Variants in EIF3A observed in about 807,000 individuals in gnomAD.
EIF3A encodes the protein EIF3, p180 subunit.
In EIF3A, 21 loss-of-function variants were observed where a neutral mutation model predicts 186.6. The ratio of observed to expected loss-of-function variants is 0.11; its 90% CI spans 0.08 to 0.16. The LOEUF (loss-of-function observed/expected upper bound fraction) is 0.16, where lower values mean the gene tolerates loss of function less well. Among genes scored for constraint, EIF3A ranks in the 10% least tolerant of loss-of-function variants. The pLI is 1.00. For missense variants in EIF3A, 1,306 were observed against 1,796.3 expected (o/e 0.73, Z 4.93); for synonymous variants, 563 against 584.3 (o/e 0.96, Z 0.52).
chr10:119,033,912 C>T lies in EIF3A; in HGVS notation c.*2127G>A, dbSNP rs1589681766. ...ACACAGGCAGTTCTTTACATAAAAACGTCCCACACGTTATAGATGCCAGCC... is the reference window on the plus strand; with the variant it reads ...ACACAGGCAGTTCTTTACATAAAAATGTCCCACACGTTATAGATGCCAGCC... On this transcript the variant is annotated 3_prime_UTR_variant, in exon 22 of 22. Transcript: ENST00000369144. 1 of 166,394 alleles carries T rather than the reference C, an allele frequency of 6.0e-6. No individual in the cohort carries two copies. Among genetic ancestry groups the T allele is most frequent in the Non-Finnish European group, 1.5e-5 (1 of 68,014 alleles). 10.3% of individuals were successfully genotyped at this position (166,394 alleles called of 1,614,324 possible).
chr10:119,042,899 TC>T lies in EIF3A; in HGVS notation c.2748-128del. 1.0e-6 allele frequency: 1 copy of T among 975,174 alleles called. No individual in the cohort carries two copies. Among genetic ancestry groups the T allele is most frequent in the Admixed American group, 2.9e-5 (1 of 34,402 alleles). 60.4% of individuals were successfully genotyped at this position (975,174 alleles called of 1,614,324 possible). On this transcript the variant is annotated intron_variant, in intron 18 of 21. Transcript: ENST00000369144. The surrounding 1 kb of genome is among the most constrained non-coding windows in gnomAD (Gnocchi z 7.8). ...CCGGAGCAGTGGCTCGCACCTTTAA[TC>T]CCAGCACTCTGGGAAGCAGAGGCAG...
At chr10:119,064,072 C>T (rs1843932000) in intron 7 of EIF3A, among the ~76,000 whole-genome samples, 2 of 152,140 alleles carry the variant, frequency 1.3e-5, no homozygotes, top group African/African-American at 4.8e-5. Flanking sequence ...GAGCTAGACC[C>T]TGTCTCAAAA....
chr10:119,042,564 G>C lies in EIF3A; in HGVS notation c.2956C>G (p.Arg986Gly), dbSNP rs141034070. The change falls in exon 19 of 22, where the codon CGG becomes GGG. Residue 986 changes from arginine (R) to glycine (G), a missense_variant. Coordinates refer to ENST00000369144, the MANE Select transcript of EIF3A (RefSeq NM_003750.4). This position sits in a 1 kb window ranked among gnomAD's most constrained non-coding sequence, Gnocchi z 7.8. The stretch of plus-strand genomic sequence containing the variant: ...TCATCTGTGTTACGCCAGGAAGGCC[G>C]GTCATCGTCTGCCCCACGACGAGAG... ...RFSRRGADDDRPSWRNTDDDR... is the reference protein window; with the variant it reads ...RFSRRGADDDGPSWRNTDDDR... The C allele has an allele frequency of 6.2e-7, 1 of 1,614,110 alleles. No individual in the cohort carries two copies. Among genetic ancestry groups the C allele is most frequent in the South Asian group, 1.1e-5 (1 of 91,086 alleles).
At chr10:119,076,174 T>C (rs1430113617) in intron 1 of EIF3A, among the ~76,000 whole-genome samples, 1 of 150,970 alleles carries the variant, frequency 6.6e-6, no homozygotes, top group East Asian at 2.0e-4. Context: ...CTACTAAAAA[T>C]ACAAAAAATT....
Position 119,080,684 on chromosome 10 carries a change from G to A in EIF3A, c.-8C>T, listed in dbSNP as rs1844251109. The A allele has an allele frequency of 1.9e-6, 3 of 1,592,072 alleles. No homozygotes were observed. Among genetic ancestry groups the A allele is most frequent in the Non-Finnish European group, 2.6e-6 (3 of 1,170,558 alleles). On this transcript the variant is annotated 5_prime_UTR_variant, in exon 1 of 22. Coordinates refer to ENST00000369144, the MANE Select transcript of EIF3A (RefSeq NM_003750.4). The stretch of plus-strand genomic sequence containing the variant: ...CTGAAAATAGGCCGGCATCTTGGCG[G>A]CAGGCTCAGCTCACCCGGCGTCAGC...
chr10:119,052,542 T>C (rs1848373670), intron 14 of EIF3A, among the ~76,000 whole-genome samples: 1 of 151,978 alleles, frequency 6.6e-6, no homozygotes, highest in Non-Finnish European at 1.5e-5. Flanking sequence ...GCCTGGCTAA[T>C]TTTCCTGTTT....
chr10:119,069,508 G>A lies in EIF3A; in HGVS notation c.888C>T (p.Leu296=), dbSNP rs772498682. Residue 296 remains leucine (L), a synonymous_variant, in exon 6 of 22, where the codon CTC becomes CTT. Transcript: ENST00000369144. ...CTCTAGAGAGATGGTAAAGACGATG[G>A]AGTGTAGATGCATGAAAAAGAGCAT... ...SGNALFHAST[L]HRLYHLSREM... The A allele has an allele frequency of 1.5e-5, 24 of 1,588,380 alleles. No individual in the cohort carries two copies. The highest frequency in any genetic ancestry group is 2.1e-5 in the Non-Finnish European group (24 of 1,156,626).
In EIF3A at chr10:119,065,501, T is replaced by C. The variant is rs1324524175; in HGVS notation, c.1020A>G (p.Arg340=). ...CTATAATGCCATCCATATCCAGAAGTCGAGCAATATCCGTACGCTCAGGAG... is the reference window on the plus strand; with the variant it reads ...CTATAATGCCATCCATATCCAGAAGCCGAGCAATATCCGTACGCTCAGGAG... ...PITPERTDIA[R]LLDMDGIIVE... is the part of the protein sequence containing the mutation. Residue 340 remains arginine (R), a synonymous_variant, in exon 7 of 22, where the codon CGA becomes CGG. Transcript: ENST00000369144. 1 of 1,613,182 alleles carries C rather than the reference T, an allele frequency of 6.2e-7. No homozygotes were observed. The highest frequency in any genetic ancestry group is 8.5e-7 in the Non-Finnish European group (1 of 1,179,188).
chr10:119,038,690 G>A (rs1848168779), intron 19 of EIF3A, among the ~76,000 whole-genome samples: 2 of 152,078 alleles, frequency 1.3e-5, no homozygotes, highest in South Asian at 2.1e-4. Context: ...TTTGGAGACC[G>A]AGCCAGGTGG....
rs60040030 is a variant in EIF3A, at chr10:119,037,068, C to G, written c.3919+51G>C. On this transcript the variant is annotated intron_variant, in intron 21 of 21. Transcript: ENST00000369144. ...TAATTAAATAACCCAAATCCCCCCC[C>G]CCCCAGAAACGACAGTTCTCCAATA... is the stretch of plus-strand genomic sequence containing the variant. 67 of 867,590 alleles carry G rather than the reference C, an allele frequency of 7.7e-5. 7 individuals are homozygous for G. Among genetic ancestry groups the G allele is most frequent in the East Asian group, 4.1e-4 (10 of 24,642 alleles). 53.7% of individuals were successfully genotyped at this position (867,590 alleles called of 1,614,324 possible). A position where few individuals can be genotyped will look rare whatever the true frequency, so the allele number is the denominator to read the frequency against.
chr10:119,049,791 C>T lies in EIF3A; in HGVS notation c.2658+10G>A. The T allele has an allele frequency of 6.2e-7, 1 of 1,610,778 alleles. No homozygotes were observed. ...TAAAACAAAATAAAATCAATAAACC[C>T]TATACTCACCTTTCTAGAAAGGGAA... On this transcript the variant is annotated intron_variant, in intron 17 of 21. Coordinates refer to ENST00000369144, the MANE Select transcript of EIF3A (RefSeq NM_003750.4).
At chr10:119,069,068 T>TC (rs1419830358) in intron 6 of EIF3A, among the ~76,000 whole-genome samples, 1 of 152,144 alleles carries the variant, frequency 6.6e-6, no homozygotes, top group Non-Finnish European at 1.5e-5. Flanking sequence ...GATAGAAAGC[T>TC]CATCCGTTAA....
intron 20 of EIF3A, 131 bp downstream of exon 20, chr10:119,038,107 G>T: frequency 1.3e-6 from 1 of 757,092 alleles, no homozygotes; most frequent in East Asian, 2.7e-5. Context: ...AGTAGAGATG[G>T]GGTTTCACTA....
At chr10:119,037,060 T>TA in intron 21 of EIF3A, 59 bp downstream of exon 21, 3 of 391,260 alleles carry the variant, frequency 7.7e-6, no homozygotes, top group Middle Eastern at 6.3e-4. Context: ...ATAACCCAAA[T>TA]CCCCCCCCCC....
intron 4 of EIF3A, among the ~76,000 whole-genome samples, chr10:119,072,432 G>A (rs994649628): frequency 6.7e-6 from 1 of 149,994 alleles, no homozygotes; most frequent in African/African-American, 2.5e-5. Context: ...CAGTCATTTT[G>A]GTTTTGTTTT....
At chr10:119,045,496 C>A (rs1013688297) in intron 17 of EIF3A, among the ~76,000 whole-genome samples, 1 of 152,124 alleles carries the variant, frequency 6.6e-6, no homozygotes, top group Non-Finnish European at 1.5e-5. Context: ...ACAAATACAG[C>A]CAGAAGGCCA....
At chr10:119,074,524 T>TA (rs1844127114) in intron 1 of EIF3A, among the ~76,000 whole-genome samples, 1 of 151,686 alleles carries the variant, frequency 6.6e-6, no homozygotes, top group African/African-American at 2.4e-5. Context: ...TTGTTACCAA[T>TA]AAAAATCAAC....
At chr10:119,044,921 C>A (rs1204300075) in intron 17 of EIF3A, among the ~76,000 whole-genome samples, 1 of 137,502 alleles carries the variant, frequency 7.3e-6, no homozygotes, top group Non-Finnish European at 1.5e-5. Context: ...AATAAGAGAA[C>A]CTTTATTTGA....
intron 7 of EIF3A, among the ~76,000 whole-genome samples, chr10:119,062,894 T>C (rs1843912301): frequency 6.6e-6 from 1 of 151,786 alleles, no homozygotes; most frequent in Non-Finnish European, 1.5e-5. Flanking sequence ...ATTACACGCA[T>C]GCACCACAAT....
Sources: allele counts gnomAD v4.1 joint callset (sites outside exome capture counted in the v4.1 genomes callset), GRCh38; gene constraint gnomAD v4.1.1; non-coding constraint Gnocchi (gnomAD v3.1); transcripts MANE v1.5; gene names NCBI Gene and HGNC (gene_info 2026-07-23, HGNC 2026-07-21).